The following SOHLH1 variants were observed in gnomAD, a reference collection of about 807,000 sequenced individuals.
SOHLH1 encodes spermatogenesis- and oogenesis-specific basic helix-loop-helix-containing protein 1.
A neutral mutation model predicts 36.2 loss-of-function variants in SOHLH1; 23 were observed. The observed-to-expected ratio is 0.64, with a 90% CI of 0.46 to 0.90. The LOEUF (loss-of-function observed/expected upper bound fraction) is 0.90. Ranked by LOEUF, SOHLH1 falls within the 40% of genes least tolerant of loss-of-function variation. SOHLH1 has a pLI of 0.00. For missense variants in SOHLH1, 608 were observed against 517.0 expected, an observed-to-expected ratio of 1.18 and a Z score of -1.71; for synonymous variants, 289 against 228.3, an observed-to-expected ratio of 1.27 and a Z score of -2.40.
At chr9:135,701,878 A>C (rs1180624949), upstream of SOHLH1, among the ~76,000 whole-genome samples, 1 of 152,132 alleles carries the variant, frequency 6.6e-6, no homozygotes, top group Admixed American at 6.5e-5. Context: ...CCCGCCAAGG[A>C]CCCAGAGCCC....
At chr9:135,699,213 G>A in intron 1 of SOHLH1, 87 bp from the exon 2 acceptor site, 1 of 1,543,428 alleles carries the variant, frequency 6.5e-7, no homozygotes, top group Non-Finnish European at 8.7e-7. Context: ...CGTCTTTGGG[G>A]TGCGGGTGGA....
chr9:135,696,628 C>T lies in SOHLH1; in HGVS notation c.645G>A (p.Gly215=). The T allele has an allele frequency of 6.2e-7, 1 of 1,612,434 alleles. No homozygotes were observed. Among genetic ancestry groups the T allele is most frequent in the Non-Finnish European group, 8.5e-7 (1 of 1,179,724 alleles). The change falls in exon 5 of 8, where the codon GGG becomes GGA. Residue 215 remains glycine (G), a synonymous_variant. Coordinates refer to ENST00000425225, the MANE Select transcript of SOHLH1 (RefSeq NM_001101677.2). ...ALLGLCQVRG[G]LPPFSEPSSL... The stretch of plus-strand genomic sequence containing the variant: ...AGGACTCACCTGAGAAAGGGGGCAG[C>T]CCACCCCGCACCTGGCACAGCCCCA...
rs1291028067 is a variant in SOHLH1, at chr9:135,696,465, C to T, written c.661+147G>A. On this transcript the variant is annotated intron_variant, in intron 5 of 7. Transcript: ENST00000425225. Reference sequence around the variant, plus strand: ...CGGGGGCCTTGAATCAAGCTCATCCCTCAACACGTGGGTTTCTCACCAACA... The same window carrying T: ...CGGGGGCCTTGAATCAAGCTCATCCTTCAACACGTGGGTTTCTCACCAACA... The T allele has an allele frequency of 1.6e-5, 15 of 920,158 alleles. No homozygotes were observed. The Middle Eastern group carries it at 2.4e-3, about 148-fold the overall frequency. 57.0% of individuals were successfully genotyped at this position (920,158 alleles called of 1,614,324 possible). A position where few individuals can be genotyped will look rare whatever the true frequency, so the allele number is the denominator to read the frequency against.
rs1483164163 is a variant in SOHLH1, at chr9:135,697,513, C to T, written c.460G>A (p.Gly154Arg). 2.5e-6 allele frequency: 4 copies of T among 1,610,806 alleles called. No individual in the cohort carries two copies. The highest frequency in any genetic ancestry group is 2.2e-5 in the East Asian group (1 of 44,826). Residue 154 changes from glycine (G) to arginine (R), a missense_variant, in exon 4 of 8, where the codon GGG becomes AGG. Transcript: ENST00000425225. ...VPDPGTGASSGTRTPDVKAFL... is the reference protein window; with the variant it reads ...VPDPGTGASSRTRTPDVKAFL... ...GCCCCAGGAGACACTAACCGAGTCC[C>T]GCTGGACGCTCCCGTCCCAGGGTCT... is the stretch of plus-strand genomic sequence containing the variant.
chr9:135,699,690 G>C (rs897659804), upstream of SOHLH1, among the ~76,000 whole-genome samples: 1 of 152,008 alleles, frequency 6.6e-6, no homozygotes, highest in African/African-American at 2.4e-5. Flanking sequence ...AAAGGGACTC[G>C]GGGGGTCCAC....
chr9:135,694,259 G>A, intron 7 of SOHLH1, 128 bp downstream of exon 7: 2 of 1,539,290 alleles, frequency 1.3e-6, no homozygotes, highest in South Asian at 1.2e-5. Flanking sequence ...CACCAACGGT[G>A]GAGAAAACGG....
chr9:135,694,993 TCA>T lies in SOHLH1; in HGVS notation c.875+55_875+56del, dbSNP rs1315932155. 5 of 1,510,066 alleles carry T rather than the reference TCA, an allele frequency of 3.3e-6. No individual in the cohort carries two copies. In the African/African-American group the frequency reaches 4.2e-5, roughly 13 times the overall value. 93.5% of individuals were successfully genotyped at this position (1,510,066 alleles called of 1,614,324 possible). A position where few individuals can be genotyped will look rare whatever the true frequency, so the allele number is the denominator to read the frequency against. On this transcript the variant is annotated intron_variant, in intron 6 of 7. Transcript: ENST00000425225. ...AGGACTGGGAGGAGGTGGGACAGGC[TCA>T]CACACACATGCTCGCTCACGCACAC...
In SOHLH1 at chr9:135,694,465, C is replaced by T. The variant is rs765324890; in HGVS notation, c.876-8G>A. 59 of 1,612,130 alleles carry T rather than the reference C, an allele frequency of 3.7e-5. 3 individuals are homozygous for T. The Middle Eastern group carries it at 1.6e-3, about 45-fold the overall frequency. On this transcript the variant is annotated splice_polypyrimidine_tract_variant and splice_region_variant and intron_variant, in intron 6 of 7. Coordinates refer to ENST00000425225, the MANE Select transcript of SOHLH1 (RefSeq NM_001101677.2). ...TCAGACCCCAACGCAGACCTGGAAG[C>T]GACAAGCTCTTCCTCAGTGGCCACA...
upstream of SOHLH1, chr9:135,699,543 C>T (rs138139111): frequency 8.0e-3 from 11,754 of 1,478,328 alleles, 87 homozygotes; most frequent in Middle Eastern, 0.025. Context: ...GTGTGCTCTG[C>T]CCACCTGCCA....
At position 135,693,823 on chromosome 9, in the gene SOHLH1, A is replaced by G; in HGVS notation, c.947-9T>C. The G allele has an allele frequency of 6.4e-7, 1 of 1,552,968 alleles. No homozygotes were observed. The highest frequency in any genetic ancestry group is 8.7e-7 in the Non-Finnish European group (1 of 1,145,010). On this transcript the variant is annotated splice_polypyrimidine_tract_variant and intron_variant, in intron 7 of 7. Coordinates refer to ENST00000425225, the MANE Select transcript of SOHLH1 (RefSeq NM_001101677.2). ...TCGACCCTCCAGAGACCCTGGAAGC[A>G]AACAGGACACATCGGCAGGGCAGGC...
Position 135,695,145 on chromosome 9 carries a change from G to A in SOHLH1, c.780C>T (p.Ala260=). Residue 260 remains alanine, a synonymous_variant, in exon 6 of 8, where the codon GCC becomes GCT. Transcript: ENST00000425225. ...GCCCAGCCTGGCCCAGCCAGCCAAG[G>A]GCCTCCCCGCTCATCACGGGCAAGG... ...QQTLPVMSGE[A]LGWLGQAGPL... 9 of 1,599,656 alleles carry A rather than the reference G, an allele frequency of 5.6e-6. No homozygotes were observed. Among genetic ancestry groups the A allele is most frequent in the Non-Finnish European group, 7.7e-6 (9 of 1,174,998 alleles).
At chr9:135,696,520 T>C (rs878951242) in intron 5 of SOHLH1, 92 bp downstream of exon 5, 3 of 1,451,056 alleles carry the variant, frequency 2.1e-6, no homozygotes, top group Non-Finnish European at 2.8e-6. Context: ...CGAACCCCGT[T>C]TGCAAACAGC....
chr9:135,694,945 A>T, intron 6 of SOHLH1, 105 bp downstream of exon 6: 1 of 1,271,328 alleles, frequency 7.9e-7, no homozygotes, highest in Non-Finnish European at 1.1e-6. Flanking sequence ...AAGCTTCCAG[A>T]TGCCGAGAAA....
chr9:135,698,761 G>A (rs547056842), intron 2 of SOHLH1, among the ~76,000 whole-genome samples: 1 of 152,256 alleles, frequency 6.6e-6, no homozygotes, highest in African/African-American at 2.4e-5. Flanking sequence ...CAGAAGCACA[G>A]AGGGTCACAG....
At chr9:135,696,179 C>A (rs1417817572) in intron 5 of SOHLH1, among the ~76,000 whole-genome samples, 1 of 150,690 alleles carries the variant, frequency 6.6e-6, no homozygotes, top group African/African-American at 2.4e-5. Flanking sequence ...CCCTCTACGT[C>A]CCCATACTTC....
upstream of SOHLH1, chr9:135,699,483 G>A (rs761098708): frequency 3.7e-5 from 59 of 1,610,770 alleles, no homozygotes; most frequent in Non-Finnish European, 4.5e-5. Flanking sequence ...CGCAGCTGCG[G>A]AGCGACCCCA....
chr9:135,693,647 C>T lies in SOHLH1; in HGVS notation c.1114G>A (p.Ala372Thr), dbSNP rs746910584. ...ATGCTCTCCACCTCGTCCTTCAGGG[C>T]CAGGCCTGCACAGTCCACATCCAGG... ...WGLDVDCAGL[A>T]LKDEVESIFP... The change falls in exon 8 of 8, where the codon GCC becomes ACC. Residue 372 changes from alanine (A) to threonine (T), a missense_variant. Ala to Thr is a moderately conservative substitution (Grantham distance 58). Coordinates refer to ENST00000425225, the MANE Select transcript of SOHLH1 (RefSeq NM_001101677.2). 2.5e-6 allele frequency: 4 copies of T among 1,587,524 alleles called. No homozygotes were observed. Among genetic ancestry groups the T allele is most frequent in the Non-Finnish European group, 3.4e-6 (4 of 1,167,376 alleles).
intron 2 of SOHLH1, 111 bp from the exon 3 acceptor site, chr9:135,698,587 G>A (rs1311181680): frequency 2.0e-6 from 3 of 1,485,376 alleles, no homozygotes; most frequent in East Asian, 2.3e-5. Flanking sequence ...AGGCAGAGGG[G>A]GCTACAAGAT....
chr9:135,697,121 G>A (rs1300499922), intron 4 of SOHLH1, among the ~76,000 whole-genome samples: 1 of 152,238 alleles, frequency 6.6e-6, no homozygotes, highest in African/African-American at 2.4e-5. Context: ...AACCTGGGGA[G>A]CTGCCATTCT....
Sources: allele counts gnomAD v4.1 joint callset (sites outside exome capture counted in the v4.1 genomes callset), GRCh38; gene constraint gnomAD v4.1.1; transcripts MANE v1.5; gene names NCBI Gene and HGNC (gene_info 2026-07-23, HGNC 2026-07-21).